TCF3: variants seen among roughly 807,000 people sequenced by gnomAD.
The protein encoded by TCF3 is transcription factor 3, also known as transcription factor E2-alpha.
TCF3 carries 54 observed loss-of-function variants against 72.3 expected under a neutral mutation model. That is an observed-to-expected ratio of 0.75 (90% CI 0.60 to 0.94). The LOEUF (loss-of-function observed/expected upper bound fraction) is 0.94. Among genes scored for constraint, TCF3 ranks in the 40% least tolerant of loss-of-function variants. The probability of loss-of-function intolerance (pLI) is 0.00; values close to 1 mark genes in which losing one functional copy is unlikely to be tolerated. For synonymous variants in TCF3, 525 were observed against 412.6 expected (o/e 1.27, Z -3.30); for missense variants, 1,078 against 934.4 (o/e 1.15, Z -2.00).
intron 8 of TCF3, 52 bp downstream of exon 8, chr19:1,623,899 C>T: frequency 6.3e-7 from 1 of 1,590,866 alleles, no homozygotes; most frequent in Non-Finnish European, 8.6e-7. Context: ...GACACAGGGC[C>T]TGGCACTGCC....
At chr19:1,645,107 G>A (rs1045999356) in intron 3 of TCF3, among the ~76,000 whole-genome samples, 4 of 152,018 alleles carry the variant, frequency 2.6e-5, no homozygotes, top group African/African-American at 4.8e-5. Context: ...CTCTCCATGT[G>A]GGGGTGCAAG....
At chr19:1,648,456 G>A (rs542015116) in intron 2 of TCF3, among the ~76,000 whole-genome samples, 1 of 152,292 alleles carries the variant, frequency 6.6e-6, no homozygotes, top group East Asian at 1.9e-4. Flanking sequence ...AGTGGCTTGA[G>A]GTGAGGAGTC....
Position 1,615,954 on chromosome 19 carries a change from C to T in TCF3, c.1451-133G>A. 5 of 1,142,916 alleles carry T rather than the reference C, an allele frequency of 4.4e-6. No individual in the cohort carries two copies. The highest frequency in any genetic ancestry group is 5.9e-6 in the Non-Finnish European group (5 of 841,886). 70.8% of individuals were successfully genotyped at this position (1,142,916 alleles called of 1,614,324 possible). ...CTTGGCCAAAAATAAAAACAAAAAA[C>T]CAACAACCAGAACTGGATCCCTACC... On this transcript the variant is annotated intron_variant, in intron 16 of 18. Transcript: ENST00000262965. The surrounding 1 kb of genome is among the most constrained non-coding windows in gnomAD (Gnocchi z 7.3).
At chr19:1,612,136 G>C (rs1295217514) in intron 18 of TCF3, 1 of 1,439,638 alleles carries the variant, frequency 6.9e-7, no homozygotes, top group African/African-American at 1.4e-5. Flanking sequence ...AAGCACAGGA[G>C]GACCCCAGCA....
intron 5 of TCF3, 113 bp from the exon 6 acceptor site, chr19:1,627,539 A>T: frequency 1.1e-6 from 1 of 941,044 alleles, no homozygotes. Flanking sequence ...CACGACTGAG[A>T]GCGCCACGGC....
At position 1,611,419 on chromosome 19, in the gene TCF3, G is replaced by A; in HGVS notation, c.*288C>T. On this transcript the variant is annotated 3_prime_UTR_variant, in exon 19 of 19. Coordinates refer to ENST00000262965, the MANE Select transcript of TCF3 (RefSeq NM_003200.5). ...TCAGCCCAGGCAACAGGGCCAAGAT[G>A]CAGTTTCAGGATCCATGGGACAGGT... 2.5e-6 allele frequency: 1 copy of A among 407,266 alleles called. No individual in the cohort carries two copies. Among genetic ancestry groups the A allele is most frequent in the Non-Finnish European group, 4.3e-6 (1 of 231,674 alleles). The allele number at this position is 407,266 out of a possible 1,614,324, so 25.2% of individuals were successfully genotyped here. A position where few individuals can be genotyped will look rare whatever the true frequency, so the allele number is the denominator to read the frequency against.
intron 13 of TCF3, among the ~76,000 whole-genome samples, chr19:1,620,527 TG>T (rs1342267307): frequency 2.0e-5 from 3 of 152,206 alleles, no homozygotes; most frequent in Non-Finnish European, 4.4e-5. Context: ...CTGGCGATGC[TG>T]GCCCCATCGG....
rs760693983 is a variant in TCF3, at chr19:1,624,015, AG to A, written c.500-16del. ...GGGCTGCGTGTCTGTTAGAAGCAAA[AG>A]GGGTGAGAACCGGCCACCGGCCATG... On this transcript the variant is annotated splice_polypyrimidine_tract_variant and intron_variant, in intron 7 of 18. Transcript: ENST00000262965. The A allele has an allele frequency of 1.2e-6, 2 of 1,613,004 alleles. No homozygotes were observed. Among genetic ancestry groups the A allele is most frequent in the Non-Finnish European group, 1.7e-6 (2 of 1,179,748 alleles).
intron 13 of TCF3, 86 bp downstream of exon 13, chr19:1,620,882 C>T: frequency 7.7e-7 from 1 of 1,305,314 alleles, no homozygotes; most frequent in Non-Finnish European, 1.0e-6. Flanking sequence ...CTCCCCTCCC[C>T]CGCAAAGCCT....
At chr19:1,647,321 T>C (rs1045654211) in intron 2 of TCF3, among the ~76,000 whole-genome samples, 1 of 152,180 alleles carries the variant, frequency 6.6e-6, no homozygotes, top group Non-Finnish European at 1.5e-5. Flanking sequence ...AAGGCTCCCA[T>C]CGGGGCTTAA....
intron 11 of TCF3, 108 bp from the exon 12 acceptor site, chr19:1,621,299 G>GA: frequency 7.6e-7 from 1 of 1,320,512 alleles, no homozygotes; most frequent in Non-Finnish European, 1.0e-6. Flanking sequence ...GCGCCAGGGA[G>GA]AGCAGCCTGA....
At chr19:1,620,179 G>C (rs10416975) in intron 13 of TCF3, among the ~76,000 whole-genome samples, 1 of 152,156 alleles carries the variant, frequency 6.6e-6, no homozygotes, top group South Asian at 2.1e-4. Context: ...GCTGACCCAC[G>C]CTGGGCTCCA....
chr19:1,626,873 G>C (rs867027706), intron 6 of TCF3, among the ~76,000 whole-genome samples: 2 of 152,190 alleles, frequency 1.3e-5, no homozygotes, highest in South Asian at 4.1e-4. Context: ...AGCTGACGGC[G>C]GGGACAGAGA....
At chr19:1,630,288 G>A (rs935614372) in intron 5 of TCF3, among the ~76,000 whole-genome samples, 5 of 152,186 alleles carry the variant, frequency 3.3e-5, no homozygotes, top group African/African-American at 1.2e-4. Flanking sequence ...ACCCCGTAAG[G>A]GGAACGGGCA....
At chr19:1,646,751 C>T (rs967317881) in intron 2 of TCF3, among the ~76,000 whole-genome samples, 2 of 152,200 alleles carry the variant, frequency 1.3e-5, no homozygotes, top group Admixed American at 1.3e-4. Context: ...GGAGGGGTAT[C>T]CCATTAGGCG....
rs2061430475 is a variant in TCF3, at chr19:1,615,232, A to G, written c.1822+53T>C. The G allele has an allele frequency of 6.6e-7, 1 of 1,525,696 alleles. No individual in the cohort carries two copies. Among genetic ancestry groups the G allele is most frequent in the Admixed American group, 2.0e-5 (1 of 49,828 alleles). 94.5% of individuals were successfully genotyped at this position (1,525,696 alleles called of 1,614,324 possible). A position where few individuals can be genotyped will look rare whatever the true frequency, so the allele number is the denominator to read the frequency against. ...GCGGGGAAGGAGAACGAGGGCAGGA[A>G]CACGAGGGAGGGTGGCGCTGCAGGG... On this transcript the variant is annotated intron_variant, in intron 18 of 18. Transcript: ENST00000262965. The surrounding 1 kb of genome is among the most constrained non-coding windows in gnomAD (Gnocchi z 7.3).
intron 1 of TCF3, among the ~76,000 whole-genome samples, chr19:1,652,090 G>A (rs1161986346): frequency 4.7e-5 from 7 of 149,784 alleles, no homozygotes; most frequent in African/African-American, 1.5e-4. Context: ...CGGGCCTGGC[G>A]AGCTCCGGGC....
Position 1,650,404 on chromosome 19 carries a change from G to T in TCF3, c.-39-117C>A. Reference sequence around the variant, plus strand: ...CTAAAAAACCCTCAACCGCCCTGGGGTCTGAGTTCCAGCAGAGCCCTGGGG... The same window carrying T: ...CTAAAAAACCCTCAACCGCCCTGGGTTCTGAGTTCCAGCAGAGCCCTGGGG... On this transcript the variant is annotated intron_variant, in intron 1 of 18. Transcript: ENST00000262965. The T allele has an allele frequency of 9.5e-6, 7 of 736,644 alleles. No individual in the cohort carries two copies. The South Asian group carries it at 1.3e-4, about 14-fold the overall frequency. 45.6% of individuals were successfully genotyped at this position (736,644 alleles called of 1,614,324 possible).
At chr19:1,617,259 T>G (rs903685053) in intron 16 of TCF3, among the ~76,000 whole-genome samples, 5 of 152,088 alleles carry the variant, frequency 3.3e-5, no homozygotes, top group Non-Finnish European at 7.4e-5. Context: ...AAGCGTGATG[T>G]TGGAATGACC....
Sources: gnomAD v4.1 joint callset for allele counts (sites outside exome capture counted in the v4.1 genomes callset) on GRCh38, gnomAD v4.1.1 for gene constraint, Gnocchi (gnomAD v3.1) non-coding constraint, MANE v1.5 for transcripts, NCBI Gene and HGNC (gene_info 2026-07-23, HGNC 2026-07-21) for gene names.